ALG12: variants seen among roughly 807,000 people sequenced by gnomAD.
The protein encoded by ALG12 is ALG12 alpha-1,6-mannosyltransferase, also known as dol-P-Man:Man(7)GlcNAc(2)-PP-Dol alpha-1,6-mannosyltransferase.
In ALG12, 36 loss-of-function variants were observed where a neutral mutation model predicts 46.0. That is an observed-to-expected ratio of 0.78 (90% CI 0.60 to 1.03). The LOEUF (loss-of-function observed/expected upper bound fraction) is 1.03. Ranked by LOEUF, ALG12 falls within the 50% of genes least tolerant of loss-of-function variation. The pLI is 0.00. For missense variants in ALG12, 599 were observed against 633.5 expected, an observed-to-expected ratio of 0.95 and a Z score of 0.58; for synonymous variants, 326 against 291.6, an observed-to-expected ratio of 1.12 and a Z score of -1.20.
chr22:49,894,921 T>C, the ALG12 span, among the ~76,000 whole-genome samples: 117 of 152,172 alleles, frequency 7.7e-4, 1 homozygote, highest in African/African-American at 2.7e-3. Context: ...GGGGGACAGC[T>C]GAGTGAGGAG....
chr22:49,899,272 C>T (rs995838531), downstream of ALG12, among the ~76,000 whole-genome samples: 3 of 151,900 alleles, frequency 2.0e-5, no homozygotes, highest in African/African-American at 4.8e-5. Flanking sequence ...GTCAGGAGTT[C>T]GAGACCAGCC....
At chr22:49,907,426 G>A (rs2060548495) in intron 7 of ALG12, among the ~76,000 whole-genome samples, 1 of 152,186 alleles carries the variant, frequency 6.6e-6, no homozygotes, top group African/African-American at 2.4e-5. Flanking sequence ...AGGGAGGAGA[G>A]AGGACTGGGG....
chr22:49,899,480 A>T (rs1247157212), downstream of ALG12, among the ~76,000 whole-genome samples: 1 of 151,494 alleles, frequency 6.6e-6, no homozygotes, highest in Non-Finnish European at 1.5e-5. Flanking sequence ...TCCATCTCAA[A>T]AAAAAAAAAA....
chr22:49,917,996 GA>G (rs2060626484), intron 1 of ALG12, among the ~76,000 whole-genome samples: 1 of 150,760 alleles, frequency 6.6e-6, no homozygotes, highest in African/African-American at 2.4e-5. Context: ...AGCCCCAGGT[GA>G]GAGGTCGGGC....
chr22:49,895,055 GA>G, the ALG12 span, among the ~76,000 whole-genome samples: 1 of 152,216 alleles, frequency 6.6e-6, no homozygotes, highest in African/African-American at 2.4e-5. Flanking sequence ...GATGGAGGGA[GA>G]GGGGAGGCTC....
chr22:49,903,856 C>A lies in ALG12; in HGVS notation c.1449G>T (p.Arg483Ser). Reference protein sequence around the residue: ...HLQTKLVLLERLPRPS With the variant: ...HLQTKLVLLESLPRPS The stretch of plus-strand genomic sequence containing the variant: ...GTCCCCCTCAGGACGGCCGGGGGAG[C>A]CTCTCCAGAAGCACCAGCTTTGTCT... Residue 483 changes from arginine (R) to serine (S), a missense_variant, in exon 10 of 10, where the codon AGG (arginine) becomes AGT (serine). Coordinates refer to ENST00000330817, the MANE Select transcript of ALG12 (RefSeq NM_024105.4). 6.2e-7 allele frequency: 1 copy of A among 1,614,222 alleles called. No homozygotes were observed. The highest frequency in any genetic ancestry group is 8.5e-7 in the Non-Finnish European group (1 of 1,180,030).
the ALG12 span, among the ~76,000 whole-genome samples, chr22:49,870,861 C>A: frequency 6.6e-6 from 1 of 151,946 alleles, no homozygotes; most frequent in African/African-American, 2.4e-5. Flanking sequence ...GTTTCTGTTA[C>A]AATCCACTCA....
At chr22:49,868,537 C>T in the ALG12 span, among the ~76,000 whole-genome samples, 1 of 152,106 alleles carries the variant, frequency 6.6e-6, no homozygotes, top group East Asian at 1.9e-4. Flanking sequence ...CAAGATTGTG[C>T]CACTGCACTC....
At chr22:49,867,991 A>G in the ALG12 span, among the ~76,000 whole-genome samples, 2 of 152,308 alleles carry the variant, frequency 1.3e-5, no homozygotes, top group Admixed American at 6.5e-5. Flanking sequence ...AGCCTAGGAA[A>G]AGATCAACAT....
intron 1 of ALG12, among the ~76,000 whole-genome samples, chr22:49,915,146 A>G (rs1386415307): frequency 6.6e-6 from 1 of 152,256 alleles, no homozygotes; most frequent in Non-Finnish European, 1.5e-5. Flanking sequence ...GGGGGTGGAG[A>G]GAAAGAAAAA....
At chr22:49,908,462 A>C in intron 6 of ALG12, among the ~76,000 whole-genome samples, 1 of 126,184 alleles carries the variant, frequency 7.9e-6, no homozygotes, top group Non-Finnish European at 1.6e-5. Context: ...AGGGAGTTGG[A>C]GGTTGCAGTG....
At position 49,904,172 on chromosome 22, in the gene ALG12, A is replaced by C. The variant is rs756526998; in HGVS notation, c.1238+7T>G. ...TCTGGGAGGGCCGTGCTGTGTGTGG[A>C]TCCTACCTCCAGGCGCTGTTGACTT... On this transcript the variant is annotated splice_region_variant and intron_variant, in intron 9 of 9. Transcript: ENST00000330817. 5 of 1,614,154 alleles carry C rather than the reference A, an allele frequency of 3.1e-6. No homozygotes were observed. In the South Asian group the frequency reaches 4.4e-5, roughly 14 times the overall value.
the ALG12 span, among the ~76,000 whole-genome samples, chr22:49,873,678 GTGCGGTGATA>G: frequency 7.1e-6 from 1 of 141,252 alleles, no homozygotes; most frequent in Non-Finnish European, 1.5e-5. Context: ...GTAAAGCGAG[GTGCGGTGATA>G]TGAGGTGATA....
rs62654809 is a variant in ALG12, at chr22:49,901,718, G to T, written c.*2120C>A. 9,346 of 145,058 alleles carry T rather than the reference G, an allele frequency of 0.064. 535 individuals are homozygous for T. The highest frequency in any genetic ancestry group is 0.099 in the South Asian group (444 of 4,480). The allele number at this position is 145,058 out of a possible 1,614,324, so 9.0% of individuals were successfully genotyped here. A position where few individuals can be genotyped will look rare whatever the true frequency, so the allele number is the denominator to read the frequency against. On this transcript the variant is annotated 3_prime_UTR_variant, in exon 10 of 10. Transcript: ENST00000330817. ...CATTGTGTGTGGATGCATGTGTGGT[G>T]TGTATGCATGGTGTGCACGTGCATT...
At chr22:49,915,725 GGAT>G (rs2060605697) in intron 1 of ALG12, among the ~76,000 whole-genome samples, 1 of 152,142 alleles carries the variant, frequency 6.6e-6, no homozygotes, top group Non-Finnish European at 1.5e-5. Flanking sequence ...TTTTGATGCT[GGAT>G]GATTTTTCCC....
chr22:49,889,869 G>T, the ALG12 span: 1 of 167,022 alleles, frequency 6.0e-6, no homozygotes, highest in African/African-American at 2.4e-5. Context: ...GCTGCGAGCT[G>T]TTTGTTTCCC....
Position 49,907,908 on chromosome 22 carries a change from G to T in ALG12, c.805C>A (p.Pro269Thr), listed in dbSNP as rs1265641213. 6.2e-7 allele frequency: 1 copy of T among 1,613,282 alleles called. No individual in the cohort carries two copies. The highest frequency in any genetic ancestry group is 8.5e-7 in the Non-Finnish European group (1 of 1,179,972). ...PLLWYFYSAL[P>T]RGLGCSLLFI... The stretch of plus-strand genomic sequence containing the variant: ...AGCAGGCTGCAGCCCAGGCCGCGGG[G>T]CAGGGCTGAGTAGAAGTACCACAGC... Residue 269 changes from proline (P) to threonine (T), a missense_variant, in exon 7 of 10, where the codon CCC (proline) becomes ACC (threonine). Pro to Thr is a conservative substitution (Grantham distance 38). Coordinates refer to ENST00000330817, the MANE Select transcript of ALG12 (RefSeq NM_024105.4).
rs56998233 is a variant in ALG12, at chr22:49,908,458, T to C, written c.769-514A>G. On this transcript the variant is annotated intron_variant, in intron 6 of 9. Coordinates refer to ENST00000330817, the MANE Select transcript of ALG12 (RefSeq NM_024105.4). ...CAGGAGAATCACTTGAACCAGGGAG[T>C]TGGAGGTTGCAGTGAGCCGAGATCA... Among the ~76,000 whole-genome samples the C allele has an allele frequency of 8.5e-5, 10 of 117,752 alleles. No homozygotes were observed. The South Asian group carries it at 2.1e-3, about 25-fold the overall frequency. 77.2% of individuals were successfully genotyped at this position (117,752 alleles called of 152,430 possible).
Position 49,903,567 on chromosome 22 carries a change from C to A in ALG12, c.*271G>T. 1.6e-6 allele frequency: 1 copy of A among 643,344 alleles called. No homozygotes were observed. Among genetic ancestry groups the A allele is most frequent in the Non-Finnish European group, 2.9e-6 (1 of 347,168 alleles). The allele number at this position is 643,344 out of a possible 1,614,324, so 39.9% of individuals were successfully genotyped here. A position where few individuals can be genotyped will look rare whatever the true frequency, so the allele number is the denominator to read the frequency against. ...TGGCACCTGGTCTGGGCGACAGTCA[C>A]CCGCAGGAAGCCCTGAGCTGGCCAC... is the stretch of plus-strand genomic sequence containing the variant. On this transcript the variant is annotated 3_prime_UTR_variant, in exon 10 of 10. Transcript: ENST00000330817.
Sources: allele counts gnomAD v4.1 joint callset (sites outside exome capture counted in the v4.1 genomes callset), GRCh38; gene constraint gnomAD v4.1.1; transcripts MANE v1.5; gene names NCBI Gene and HGNC (gene_info 2026-07-23, HGNC 2026-07-21).